Variants in APBA2 observed in about 807,000 individuals in gnomAD.
APBA2 encodes the protein amyloid-beta A4 precursor protein-binding family A member 2.
APBA2 carries 30 observed loss-of-function variants against 75.0 expected under a neutral mutation model. The ratio of observed to expected loss-of-function variants is 0.40; its 90% CI spans 0.30 to 0.54. The LOEUF is 0.54. Among genes scored for constraint, APBA2 ranks in the 20% least tolerant of loss-of-function variants. The pLI is 0.49. For missense variants in APBA2, 801 were observed against 1,016.1 expected, an observed-to-expected ratio of 0.79 and a Z score of 2.88; for synonymous variants, 444 against 409.6, an observed-to-expected ratio of 1.08 and a Z score of -1.01.
At chr15:29,071,963 C>T (rs931763351) in intron 4 of APBA2, among the ~76,000 whole-genome samples, 1 of 151,986 alleles carries the variant, frequency 6.6e-6, no homozygotes, top group Non-Finnish European at 1.5e-5. Context: ...AGTCTGTGTC[C>T]CCAGCCAAGC....
At chr15:29,044,643 A>G (rs1179831275) in intron 3 of APBA2, among the ~76,000 whole-genome samples, 1 of 152,070 alleles carries the variant, frequency 6.6e-6, no homozygotes, top group Non-Finnish European at 1.5e-5. Flanking sequence ...TTGGATTGAC[A>G]CTGTATGCAG....
At chr15:29,003,164 C>T (rs2038937693) in intron 3 of APBA2, among the ~76,000 whole-genome samples, 1 of 152,040 alleles carries the variant, frequency 6.6e-6, no homozygotes. Flanking sequence ...GGGATATGTG[C>T]TTTCCATAGT....
In APBA2 at chr15:29,073,901, G is replaced by A. The variant is rs186142798; in HGVS notation, c.952-1020G>A. Among the ~76,000 whole-genome samples the A allele has an allele frequency of 1.3e-3, 197 of 152,292 alleles. 2 individuals carry two copies. The highest frequency in any genetic ancestry group is 4.4e-3 in the African/African-American group (184 of 41,542). ...GAAGTAGAAGCAGTTGTAGTTTGGT[G>A]TCTTCTTTAAGAGAAGACTTATGAC... On this transcript the variant is annotated intron_variant, in intron 4 of 14. Transcript: ENST00000683413.
intron 3 of APBA2, among the ~76,000 whole-genome samples, chr15:29,010,373 C>T (rs889577423): frequency 1.6e-4 from 25 of 152,152 alleles, no homozygotes; most frequent in African/African-American, 5.8e-4. Context: ...CTTCTCCTGC[C>T]TCAGCCTCCC....
chr15:29,059,710 C>T lies in APBA2; in HGVS notation c.951+4875C>T, dbSNP rs761720450. 4.8e-4 allele frequency among the ~76,000 whole-genome samples: 73 copies of T among 152,274 alleles called. 1 individual carries two copies. The highest frequency in any genetic ancestry group is 1.5e-3 in the Admixed American group (23 of 15,296). On this transcript the variant is annotated intron_variant, in intron 4 of 14. Transcript: ENST00000683413. Reference sequence around the variant, plus strand: ...GTCCCGAGGCTCATAGGAACCTAACCCTGTATCGCCCCTAGGAGCAATGTA... The same window carrying T: ...GTCCCGAGGCTCATAGGAACCTAACTCTGTATCGCCCCTAGGAGCAATGTA...
intron 3 of APBA2, among the ~76,000 whole-genome samples, chr15:29,013,035 T>A (rs189942521): frequency 9.9e-5 from 15 of 152,214 alleles, no homozygotes; most frequent in African/African-American, 3.6e-4. Flanking sequence ...TCCACAGAGA[T>A]CATTTAAAAA....
intron 1 of APBA2, among the ~76,000 whole-genome samples, chr15:28,894,944 C>A (rs960690920): frequency 6.6e-6 from 1 of 152,080 alleles, no homozygotes; most frequent in Non-Finnish European, 1.5e-5. Flanking sequence ...AAGGCAGCTC[C>A]TGCGTCATTG....
In APBA2 at chr15:29,037,910, G is replaced by T. The variant is rs57848731; in HGVS notation, c.-40-15935G>T. Among the ~76,000 whole-genome samples, 6 of 152,080 alleles carry T rather than the reference G, an allele frequency of 3.9e-5. No individual in the cohort carries two copies. The South Asian group carries it at 1.2e-3, about 32-fold the overall frequency. On this transcript the variant is annotated intron_variant, in intron 3 of 14. Coordinates refer to ENST00000683413, the MANE Select transcript of APBA2 (RefSeq NM_001353788.2). ...GTAATGGCATTAATCCATTCCTGACGGCAGAGTCCTCATGGCCTAATCACC... is the reference window on the plus strand; with the variant it reads ...GTAATGGCATTAATCCATTCCTGACTGCAGAGTCCTCATGGCCTAATCACC...
At chr15:28,946,837 G>A (rs543553454) in intron 2 of APBA2, among the ~76,000 whole-genome samples, 43 of 152,244 alleles carry the variant, frequency 2.8e-4, no homozygotes, top group African/African-American at 9.1e-4. Flanking sequence ...CCTCAGCCTC[G>A]CCAAGTGCTG....
intron 2 of APBA2, chr15:28,970,180 TAC>T (rs2036988079): frequency 1.3e-5 from 2 of 152,144 alleles, no homozygotes; most frequent in Admixed American, 6.5e-5. Flanking sequence ...CTGAAAGGAA[TAC>T]AGAGACGTGT....
intron 11 of APBA2, among the ~76,000 whole-genome samples, chr15:29,106,103 T>G (rs950697164): frequency 2.6e-5 from 4 of 152,220 alleles, no homozygotes; most frequent in Non-Finnish European, 5.9e-5. Context: ...ATGATCCTGG[T>G]TTCTTGCTGA....
At chr15:28,914,879 C>T (rs1192603948) in intron 1 of APBA2, among the ~76,000 whole-genome samples, 18 of 151,976 alleles carry the variant, frequency 1.2e-4, no homozygotes, top group South Asian at 8.3e-4. Flanking sequence ...CCCGGGCTGC[C>T]GGCCTGCCTG....
chr15:29,003,644 A>G (rs2038964709), intron 3 of APBA2, among the ~76,000 whole-genome samples: 2 of 152,232 alleles, frequency 1.3e-5, no homozygotes, highest in Admixed American at 6.5e-5. Flanking sequence ...ATGAGGAGAT[A>G]CATTGTGAGG....
intron 1 of APBA2, among the ~76,000 whole-genome samples, chr15:28,904,198 C>G (rs758897239): frequency 4.6e-5 from 7 of 152,122 alleles, no homozygotes; most frequent in Non-Finnish European, 8.8e-5. Flanking sequence ...AGACTCCACC[C>G]GCCGGGGGCC....
chr15:28,909,991 C>G (rs1200472289), intron 1 of APBA2, among the ~76,000 whole-genome samples: 1 of 152,120 alleles, frequency 6.6e-6, no homozygotes, highest in Non-Finnish European at 1.5e-5. Context: ...AAACTCACCT[C>G]TCATAATGGG....
chr15:28,910,891 T>C (rs767398686), intron 1 of APBA2, among the ~76,000 whole-genome samples: 1 of 152,202 alleles, frequency 6.6e-6, no homozygotes, highest in Admixed American at 6.5e-5. Context: ...TTCAAATATT[T>C]AGAGTTTCAG....
At chr15:29,112,048 C>G (rs183098772) in intron 13 of APBA2, among the ~76,000 whole-genome samples, 1 of 152,302 alleles carries the variant, frequency 6.6e-6, no homozygotes, top group African/African-American at 2.4e-5. Context: ...TGTCACCTCT[C>G]TGGGCACCCC....
intron 4 of APBA2, among the ~76,000 whole-genome samples, chr15:29,065,985 G>A (rs2042364472): frequency 6.6e-6 from 1 of 152,182 alleles, no homozygotes; most frequent in Non-Finnish European, 1.5e-5. Flanking sequence ...TGTGACGTCA[G>A]GGTGGAGGCT....
At chr15:28,894,588 C>T (rs1567413281) in intron 1 of APBA2, among the ~76,000 whole-genome samples, 1 of 152,096 alleles carries the variant, frequency 6.6e-6, no homozygotes, top group Non-Finnish European at 1.5e-5. Flanking sequence ...ACAGGGGGGA[C>T]TATGTGGTTT....
Sources: gnomAD v4.1 joint callset for allele counts (sites outside exome capture counted in the v4.1 genomes callset) on GRCh38, gnomAD v4.1.1 for gene constraint, MANE v1.5 for transcripts, NCBI Gene and HGNC (gene_info 2026-07-23, HGNC 2026-07-21) for gene names.